PCCA: variants seen among roughly 807,000 people sequenced by gnomAD.
PCCA encodes the protein propionyl-CoA carboxylase subunit alpha.
Under a neutral mutation model 101.3 loss-of-function variants are expected in PCCA, and 74 were observed. That is an observed-to-expected ratio of 0.73 (90% CI 0.61 to 0.89). PCCA has a LOEUF of 0.89. PCCA is among the 40% of genes least tolerant of loss of function. The pLI is 0.00. For missense variants in PCCA, 891 were observed against 907.0 expected, an observed-to-expected ratio of 0.98 and a Z score of 0.23; for synonymous variants, 294 against 313.6, an observed-to-expected ratio of 0.94 and a Z score of 0.66.
At chr13:100,311,270 G>C (rs1316890257) in intron 16 of PCCA, among the ~76,000 whole-genome samples, 1 of 151,750 alleles carries the variant, frequency 6.6e-6, no homozygotes, top group African/African-American at 2.4e-5. Context: ...AAATAATTAC[G>C]TGATTTTTGT....
In PCCA at chr13:100,245,086, G is replaced by C. The variant is rs74113853; in HGVS notation, c.637+9208G>C. 7.7e-3 allele frequency among the ~76,000 whole-genome samples: 1,167 copies of C among 152,110 alleles called. 16 individuals are homozygous for C. Among genetic ancestry groups the C allele is most frequent in the African/African-American group, 0.027 (1,115 of 41,504 alleles). ...TGTGCATCACCTCAGTCTGAGGTCT[G>C]CCAACTCGAATGATACTCCAAAACT... On this transcript the variant is annotated intron_variant, in intron 8 of 23. Coordinates refer to ENST00000376285, the MANE Select transcript of PCCA (RefSeq NM_000282.4).
At chr13:100,183,752 A>G (rs1298408268) in intron 6 of PCCA, among the ~76,000 whole-genome samples, 3 of 152,004 alleles carry the variant, frequency 2.0e-5, no homozygotes, top group Admixed American at 6.6e-5. Flanking sequence ...TGAGTGTAAG[A>G]GTGTAAGAGT....
intron 19 of PCCA, among the ~76,000 whole-genome samples, chr13:100,422,074 C>CTTTCTTTA (rs1215302649): frequency 1.2e-4 from 12 of 101,474 alleles, no homozygotes; most frequent in African/African-American, 5.6e-4. Flanking sequence ...CTTTTCTTTT[C>CTTTCTTTA]TTTCTTTCTT....
chr13:100,511,789 A>G (rs1594083844), intron 21 of PCCA, among the ~76,000 whole-genome samples: 2 of 152,318 alleles, frequency 1.3e-5, no homozygotes, highest in South Asian at 4.1e-4. Flanking sequence ...GGATCATTGC[A>G]ACATTTAGCG....
At position 100,247,245 on chromosome 13, in the gene PCCA, TCTCACTCTGTCGC is replaced by T. The variant is rs2061491923; in HGVS notation, c.638-10348_638-10336del. 3.9e-5 allele frequency among the ~76,000 whole-genome samples: 5 copies of T among 127,270 alleles called. No individual in the cohort carries two copies. The Admixed American group carries it at 4.5e-4, about 11-fold the overall frequency. The allele number at this position is 127,270 out of a possible 152,430, so 83.5% of individuals were successfully genotyped here. A position where few individuals can be genotyped will look rare whatever the true frequency, so the allele number is the denominator to read the frequency against. On this transcript the variant is annotated intron_variant, in intron 8 of 23. Coordinates refer to ENST00000376285, the MANE Select transcript of PCCA (RefSeq NM_000282.4). ...TTTTTTTTTTTTTTTTGAGACAGAGTCTCACTCTGTCGCCCAGACGGGAGTACAGTGGCATGAT... is the reference window on the plus strand; with the variant it reads ...TTTTTTTTTTTTTTTTGAGACAGAGTCCAGACGGGAGTACAGTGGCATGAT...
chr13:100,490,325 T>C (rs2084809076), intron 21 of PCCA: 1 of 152,212 alleles, frequency 6.6e-6, no homozygotes, highest in Non-Finnish European at 1.5e-5. Flanking sequence ...CTCTGTAAAA[T>C]TTTCCTCATG....
chr13:100,133,053 A>G (rs1403777930), intron 4 of PCCA, among the ~76,000 whole-genome samples: 2 of 152,170 alleles, frequency 1.3e-5, no homozygotes, highest in African/African-American at 2.4e-5. Flanking sequence ...TGCTAGGATT[A>G]TAGACATGAG....
At chr13:100,260,460 G>A (rs1381783302) in intron 9 of PCCA, among the ~76,000 whole-genome samples, 1 of 150,634 alleles carries the variant, frequency 6.6e-6, no homozygotes, top group Non-Finnish European at 1.5e-5. Flanking sequence ...GCAGTGGTGC[G>A]ATCTCGGCTC....
chr13:100,167,343 G>A (rs1041907292), intron 6 of PCCA, among the ~76,000 whole-genome samples: 13 of 152,096 alleles, frequency 8.5e-5, no homozygotes, highest in African/African-American at 2.9e-4. Flanking sequence ...GAGTCCAAGA[G>A]TTCCAGACTA....
chr13:100,424,935 A>G (rs549420692), intron 19 of PCCA, among the ~76,000 whole-genome samples: 75 of 152,332 alleles, frequency 4.9e-4, no homozygotes, highest in African/African-American at 1.7e-3. Context: ...GAAAGGAAGA[A>G]AACCAATAGT....
chr13:100,386,363 G>T (rs911009495), intron 19 of PCCA, among the ~76,000 whole-genome samples: 7 of 152,078 alleles, frequency 4.6e-5, no homozygotes, highest in African/African-American at 7.2e-5. Flanking sequence ...AGTTGAGAGT[G>T]TCTTCTATGT....
At chr13:100,523,165 C>A (rs1022380665) in intron 22 of PCCA, among the ~76,000 whole-genome samples, 1 of 152,126 alleles carries the variant, frequency 6.6e-6, no homozygotes, top group Non-Finnish European at 1.5e-5. Context: ...GGAGAAGGTT[C>A]TCTGTCTTTT....
chr13:100,503,342 T>C (rs1382805269), intron 21 of PCCA, among the ~76,000 whole-genome samples: 1 of 151,432 alleles, frequency 6.6e-6, no homozygotes, highest in Non-Finnish European at 1.5e-5. Flanking sequence ...AATACAAAAT[T>C]AGTTGGGTGT....
chr13:100,350,751 C>T (rs1291156544), intron 18 of PCCA, among the ~76,000 whole-genome samples: 2 of 152,180 alleles, frequency 1.3e-5, no homozygotes, highest in Non-Finnish European at 2.9e-5. Context: ...CTCTTGCACA[C>T]TTCATCAGTA....
intron 1 of PCCA, among the ~76,000 whole-genome samples, chr13:100,093,687 G>A (rs2046479311): frequency 6.6e-6 from 1 of 152,168 alleles, no homozygotes; most frequent in South Asian, 2.1e-4. Flanking sequence ...GCCAAAGTGG[G>A]AGGATTTCTT....
intron 8 of PCCA, among the ~76,000 whole-genome samples, chr13:100,244,289 A>G (rs977566296): frequency 6.6e-6 from 1 of 152,176 alleles, no homozygotes; most frequent in Non-Finnish European, 1.5e-5. Context: ...GATTAGAATG[A>G]TATTCCCTGG....
intron 16 of PCCA, 65 bp from the exon 17 acceptor site, chr13:100,330,496 A>G: frequency 1.0e-6 from 1 of 961,014 alleles, no homozygotes; most frequent in Non-Finnish European, 1.7e-6. Flanking sequence ...AAATTTCTCC[A>G]GATTATCAGA....
chr13:100,248,239 G>A (rs9582381), intron 8 of PCCA, among the ~76,000 whole-genome samples: 2,236 of 151,778 alleles, frequency 0.015, 62 homozygotes, highest in African/African-American at 0.051. Flanking sequence ...TACTTTTTGG[G>A]GGTTTTGTTT....
intron 16 of PCCA, among the ~76,000 whole-genome samples, chr13:100,322,729 C>T (rs1262068326): frequency 6.6e-6 from 1 of 152,012 alleles, no homozygotes. Flanking sequence ...TGCCACCATT[C>T]CCAGCTAATT....
Sources: allele counts gnomAD v4.1 joint callset (sites outside exome capture counted in the v4.1 genomes callset), GRCh38; gene constraint gnomAD v4.1.1; transcripts MANE v1.5; gene names NCBI Gene and HGNC (gene_info 2026-07-23, HGNC 2026-07-21).